ELMO1: variants seen among roughly 807,000 people sequenced by gnomAD.
The protein encoded by ELMO1 is engulfment and cell motility protein 1.
ELMO1 carries 26 observed loss-of-function variants against 98.9 expected under a neutral mutation model. The observed-to-expected ratio is 0.26, with a 90% CI of 0.19 to 0.36. The LOEUF (loss-of-function observed/expected upper bound fraction) is 0.36. ELMO1 is among the 10% of genes least tolerant of loss of function. ELMO1 has a pLI of 1.00. For synonymous variants in ELMO1, 346 were observed against 346.0 expected, an observed-to-expected ratio of 1.00 and a Z score of 0.00; for missense variants, 627 against 935.2, an observed-to-expected ratio of 0.67 and a Z score of 4.30.
At chr7:36,958,412 C>T (rs1788644868) in intron 16 of ELMO1, among the ~76,000 whole-genome samples, 1 of 152,212 alleles carries the variant, frequency 6.6e-6, no homozygotes, top group South Asian at 2.1e-4. Context: ...ATTCACTCCT[C>T]AGACAACTAT....
chr7:36,913,403 A>G (rs935201081), intron 16 of ELMO1, among the ~76,000 whole-genome samples: 3 of 152,220 alleles, frequency 2.0e-5, no homozygotes, highest in African/African-American at 7.2e-5. Context: ...TTGTAAAAAG[A>G]GGCAAAATTT....
intron 15 of ELMO1, among the ~76,000 whole-genome samples, chr7:37,045,420 G>C (rs1795744048): frequency 6.6e-6 from 1 of 152,114 alleles, no homozygotes; most frequent in Non-Finnish European, 1.5e-5. Flanking sequence ...CTGAGGATTT[G>C]CATTATCTGC....
At chr7:37,054,083 T>G (rs1341468179) in intron 15 of ELMO1, among the ~76,000 whole-genome samples, 1 of 152,218 alleles carries the variant, frequency 6.6e-6, no homozygotes, top group East Asian at 1.9e-4. Context: ...AGGGAAATGA[T>G]TCTCAGAAAT....
intron 15 of ELMO1, among the ~76,000 whole-genome samples, chr7:37,060,894 G>C (rs1026896886): frequency 6.6e-6 from 1 of 152,064 alleles, no homozygotes; most frequent in Non-Finnish European, 1.5e-5. Flanking sequence ...AGGGGAGAGG[G>C]GAGGACAGAG....
At chr7:37,350,467 G>A (rs763001505) in intron 1 of ELMO1, among the ~76,000 whole-genome samples, 4 of 152,326 alleles carry the variant, frequency 2.6e-5, no homozygotes, top group Non-Finnish European at 2.9e-5. Context: ...GCAGACAGGC[G>A]CCTAGAGCAG....
At chr7:36,908,638 A>C (rs1375747065) in intron 16 of ELMO1, among the ~76,000 whole-genome samples, 1 of 152,240 alleles carries the variant, frequency 6.6e-6, no homozygotes, top group African/African-American at 2.4e-5. Flanking sequence ...AAAAATAAAT[A>C]AATTTTAAAC....
intron 18 of ELMO1, among the ~76,000 whole-genome samples, chr7:36,883,719 G>A (rs4720227): frequency 0.32 from 49,234 of 151,914 alleles, 8,248 homozygotes; most frequent in Admixed American, 0.39. Flanking sequence ...AAGCTGTGAT[G>A]CTTCCTGTAC....
At chr7:37,191,913 T>TCA (rs36026384) in intron 13 of ELMO1, among the ~76,000 whole-genome samples, 82,748 of 151,310 alleles carry the variant, frequency 0.55, 23,930 homozygotes, top group East Asian at 0.68. Flanking sequence ...GAAGACTCCA[T>TCA]CACACACACA....
At chr7:37,171,119 C>T (rs1357724533) in intron 13 of ELMO1, among the ~76,000 whole-genome samples, 2 of 152,018 alleles carry the variant, frequency 1.3e-5, no homozygotes, top group Non-Finnish European at 2.9e-5. Context: ...GTAAAACTTA[C>T]CTGATGTATT....
chr7:36,865,317 A>G (rs940762351), intron 20 of ELMO1, among the ~76,000 whole-genome samples: 3 of 152,242 alleles, frequency 2.0e-5, no homozygotes, highest in African/African-American at 7.2e-5. Context: ...GGTCACAGAA[A>G]TAGCAGTAGA....
chr7:36,953,377 C>T (rs1352614749), intron 16 of ELMO1, among the ~76,000 whole-genome samples: 1 of 152,080 alleles, frequency 6.6e-6, no homozygotes, highest in African/African-American at 2.4e-5. Context: ...GTCTAAAAGC[C>T]CCAATTTTTA....
intron 16 of ELMO1, among the ~76,000 whole-genome samples, chr7:37,013,089 C>T (rs969831657): frequency 2.6e-5 from 4 of 152,220 alleles, no homozygotes; most frequent in African/African-American, 7.2e-5. Flanking sequence ...CTGCTCCAAG[C>T]GTACCCCCAG....
At chr7:37,183,328 G>A (rs1378563853) in intron 13 of ELMO1, among the ~76,000 whole-genome samples, 2 of 152,336 alleles carry the variant, frequency 1.3e-5, no homozygotes, top group African/African-American at 4.8e-5. Context: ...TTCTGCCAGT[G>A]TATGTGGTAA....
chr7:37,440,944 G>A (rs1196685191), intron 1 of ELMO1, among the ~76,000 whole-genome samples: 2 of 151,924 alleles, frequency 1.3e-5, no homozygotes, highest in Non-Finnish European at 2.9e-5. Flanking sequence ...CATGCTTTCT[G>A]AGGGCCAAGG....
intron 14 of ELMO1, among the ~76,000 whole-genome samples, chr7:37,103,518 G>T (rs1309885240): frequency 1.7e-5 from 2 of 120,570 alleles, no homozygotes; most frequent in African/African-American, 6.3e-5. Flanking sequence ...CAGGCCTGTT[G>T]TGGGGTGGGG....
chr7:37,278,245 A>G (rs75725102), intron 4 of ELMO1, among the ~76,000 whole-genome samples: 1,623 of 147,598 alleles, frequency 0.011, 38 homozygotes, highest in African/African-American at 0.039. Flanking sequence ...GCTGTAAGGT[A>G]TTTTGTATAT....
chr7:37,407,276 G>A (rs944098719), intron 1 of ELMO1, among the ~76,000 whole-genome samples: 3 of 152,068 alleles, frequency 2.0e-5, no homozygotes, highest in African/African-American at 4.8e-5. Context: ...TTGGGAGGCC[G>A]AGGTGGGCAG....
chr7:37,086,492 C>A (rs1783786422), intron 15 of ELMO1, among the ~76,000 whole-genome samples: 1 of 151,784 alleles, frequency 6.6e-6, no homozygotes, highest in Non-Finnish European at 1.5e-5. Context: ...CCTGTAATCC[C>A]AGCACTTTGG....
chr7:37,354,051 T>G (rs1469829999), intron 1 of ELMO1, among the ~76,000 whole-genome samples: 1 of 152,234 alleles, frequency 6.6e-6, no homozygotes, highest in Non-Finnish European at 1.5e-5. Context: ...CGGCCTCCCG[T>G]GCTAGAAGTA....
Sources: allele counts gnomAD v4.1 joint callset (sites outside exome capture counted in the v4.1 genomes callset), GRCh38; gene constraint gnomAD v4.1.1; transcripts MANE v1.5; gene names NCBI Gene and HGNC (gene_info 2026-07-23, HGNC 2026-07-21).